The following ULK1 variants were observed in gnomAD, a reference collection of about 807,000 sequenced individuals.
ULK1 encodes serine/threonine-protein kinase ULK1.
In ULK1, 48 loss-of-function variants were observed where a neutral mutation model predicts 117.5. That is an observed-to-expected ratio of 0.41 (90% CI 0.32 to 0.52). The LOEUF is 0.52. Ranked by LOEUF, ULK1 falls within the 20% of genes least tolerant of loss-of-function variation. The pLI, the probability that ULK1 is intolerant of heterozygous loss-of-function variation, is 0.29. For missense variants in ULK1, 1,387 were observed against 1,473.4 expected, an observed-to-expected ratio of 0.94 and a Z score of 0.96; for synonymous variants, 790 against 637.8, an observed-to-expected ratio of 1.24 and a Z score of -3.60.
chr12:131,906,624 G>C (rs1250638995), intron 3 of ULK1: 7 of 547,082 alleles, frequency 1.3e-5, no homozygotes, highest in South Asian at 2.1e-5. Context: ...TCCTGCTAGG[G>C]GGTATGTCCT....
intron 5 of ULK1, 119 bp from the exon 6 acceptor site, chr12:131,908,525 C>A: frequency 7.8e-7 from 1 of 1,282,376 alleles, no homozygotes; most frequent in Middle Eastern, 2.8e-4. Context: ...GGGTTTCCTC[C>A]CGGCCTGCGG....
At position 131,912,073 on chromosome 12, in the gene ULK1, C is replaced by T. The variant is rs773105025; in HGVS notation, c.1080C>T (p.Val360=). The change falls in exon 13 of 28, where the codon GTC becomes GTT. Residue 360 remains valine, a synonymous_variant. Coordinates refer to ENST00000321867, the MANE Select transcript of ULK1 (RefSeq NM_003565.4). ...GTGACACAGACGACTTCGTCATGGT[C>T]CCCGCGCAGTTTCCAGGTCAGGGGG... is the stretch of plus-strand genomic sequence containing the variant. ...SSCDTDDFVM[V]PAQFPGDLVA... is the part of the protein sequence containing the mutation. 1.2e-6 allele frequency: 2 copies of T among 1,612,050 alleles called. No individual in the cohort carries two copies. Among genetic ancestry groups the T allele is most frequent in the South Asian group, 2.2e-5 (2 of 90,964 alleles).
At chr12:131,910,575 C>G in intron 11 of ULK1, 137 bp from the exon 12 acceptor site, 4 of 1,543,438 alleles carry the variant, frequency 2.6e-6, no homozygotes, top group Non-Finnish European at 3.5e-6. Context: ...CAGGAGGGAG[C>G]CTCCCTCCTT....
intron 26 of ULK1, chr12:131,920,851 G>A (rs866438602): frequency 2.7e-5 from 14 of 520,756 alleles, no homozygotes; most frequent in Non-Finnish European, 3.7e-5. Flanking sequence ...CTGACTGAGC[G>A]GCGGGCACTC....
chr12:131,906,849 C>T (rs773804266), intron 3 of ULK1, 43 bp from the exon 4 acceptor site: 37 of 1,613,442 alleles, frequency 2.3e-5, no homozygotes, highest in South Asian at 1.2e-4. Flanking sequence ...CAGTGGGGCC[C>T]GGTGGCACTG....
chr12:131,907,190 T>G (rs1889309969), intron 4 of ULK1, among the ~76,000 whole-genome samples: 1 of 152,176 alleles, frequency 6.6e-6, no homozygotes, highest in Non-Finnish European at 1.5e-5. Context: ...CGGCTAATTT[T>G]TATACTTTTA....
intron 4 of ULK1, 130 bp downstream of exon 4, chr12:131,907,054 T>G: frequency 7.8e-7 from 1 of 1,274,936 alleles, no homozygotes; most frequent in Non-Finnish European, 1.1e-6. Context: ...AGTCTCACTG[T>G]CGCCCAGGCT....
intron 5 of ULK1, among the ~76,000 whole-genome samples, chr12:131,908,335 C>T (rs1165946170): frequency 6.6e-6 from 1 of 152,118 alleles, no homozygotes. Flanking sequence ...GGAAGAGGGG[C>T]AGGAGCGGGA....
chr12:131,907,456 G>T (rs776516955), intron 4 of ULK1, 39 bp from the exon 5 acceptor site: 3 of 1,609,392 alleles, frequency 1.9e-6, no homozygotes, highest in Non-Finnish European at 2.5e-6. Flanking sequence ...GTGGGCCCTG[G>T]GCCCTGCTGC....
rs1193139260 is a variant in ULK1, at chr12:131,915,199, G to A, written c.1490G>A (p.Gly497Asp). The A allele has an allele frequency of 4.4e-6, 7 of 1,600,104 alleles. No individual in the cohort carries two copies. Among genetic ancestry groups the A allele is most frequent in the Non-Finnish European group, 5.1e-6 (6 of 1,174,046 alleles). Residue 497 changes from glycine to aspartate, a missense_variant, in exon 17 of 28, where the codon GGT becomes GAT. Physicochemically the swap from Gly to Asp is moderately conservative, Grantham distance 94. This residue lies in a region of ULK1 where 900 missense variants were observed against 858.9 expected (regional missense o/e 1.05). Coordinates refer to ENST00000321867, the MANE Select transcript of ULK1 (RefSeq NM_003565.4). ...GTCCTGGCCAGGAAGATGTCTCTGG[G>A]TGGAGGCCGGCCCTACACGCCATCT... ...GGVLARKMSLGGGRPYTPSPQ... is the reference protein window; with the variant it reads ...GGVLARKMSLDGGRPYTPSPQ...
Position 131,894,646 on chromosome 12 carries a change from G to T in ULK1, c.-356G>T, listed in dbSNP as rs1351194948. On this transcript the variant is annotated 5_prime_UTR_variant, in exon 1 of 28. Transcript: ENST00000321867. The stretch of plus-strand genomic sequence containing the variant: ...CAGTGCGGCTGCGCGGGCGTCTCAG[G>T]CTCTGAGGCCCGGGCGCCGCGGCTC... 6.6e-6 allele frequency: 1 copy of T among 150,838 alleles called. No homozygotes were observed. Among genetic ancestry groups the T allele is most frequent in the Non-Finnish European group, 1.5e-5 (1 of 67,582 alleles). The allele number at this position is 150,838 out of a possible 1,614,324, so 9.3% of individuals were successfully genotyped here.
In ULK1 at chr12:131,909,832, A is replaced by G. The variant is rs764646120; in HGVS notation, c.724A>G (p.Thr242Ala). The change falls in exon 9 of 28, where the codon ACC becomes GCC. Residue 242 changes from threonine (T) to alanine (A), a missense_variant and splice_region_variant. By Grantham distance (58) the Thr-to-Ala change is moderately conservative. This residue lies in a region of ULK1 where 260 missense variants were observed against 271.6 expected (regional missense o/e 0.96). Coordinates refer to ENST00000321867, the MANE Select transcript of ULK1 (RefSeq NM_003565.4). ...FYEKNKTLVPTIPRETSAPLR... is the reference protein window; with the variant it reads ...FYEKNKTLVPAIPRETSAPLR... ...CGAGAAGAACAAGACGTTGGTCCCCACGTAAGCACCCTCCCGCCTTCCCTT... is the reference window on the plus strand; with the variant it reads ...CGAGAAGAACAAGACGTTGGTCCCCGCGTAAGCACCCTCCCGCCTTCCCTT... 2.5e-6 allele frequency: 4 copies of G among 1,611,274 alleles called. No individual in the cohort carries two copies. The highest frequency in any genetic ancestry group is 3.4e-6 in the Non-Finnish European group (4 of 1,179,364).
Position 131,913,771 on chromosome 12 carries a change from C to T in ULK1, c.1182C>T (p.Gly394=). 1 of 1,572,034 alleles carries T rather than the reference C, an allele frequency of 6.4e-7. No individual in the cohort carries two copies. Among genetic ancestry groups the T allele is most frequent in the Non-Finnish European group, 8.6e-7 (1 of 1,159,056 alleles). ...CSGSSLVASA[G]LESHGRTPSP... Reference sequence around the variant, plus strand: ...GGAGCTCACTGGTGGCCTCTGCGGGCTTGGAGAGCCACGGCCGGACCCCAT... The same window carrying T: ...GGAGCTCACTGGTGGCCTCTGCGGGTTTGGAGAGCCACGGCCGGACCCCAT... The change falls in exon 15 of 28, where the codon GGC becomes GGT. Residue 394 remains glycine (G), a synonymous_variant. Transcript: ENST00000321867.
Position 131,921,290 on chromosome 12 carries a change from C to T in ULK1, c.3098-16C>T, listed in dbSNP as rs1367386478. ...GACTCTGGGCGTCTCCCTCACACTC[C>T]CCTCTCCCTCCACAGGCAAGCTGTG... is the stretch of plus-strand genomic sequence containing the variant. On this transcript the variant is annotated splice_polypyrimidine_tract_variant and intron_variant, in intron 27 of 27. Coordinates refer to ENST00000321867, the MANE Select transcript of ULK1 (RefSeq NM_003565.4). The T allele has an allele frequency of 3.7e-6, 6 of 1,608,000 alleles. No homozygotes were observed. The highest frequency in any genetic ancestry group is 4.2e-6 in the Non-Finnish European group (5 of 1,179,936).
At position 131,906,948 on chromosome 12, in the gene ULK1, C is replaced by G. The variant is rs761275847; in HGVS notation, c.279+24C>G. On this transcript the variant is annotated intron_variant, in intron 4 of 27. Coordinates refer to ENST00000321867, the MANE Select transcript of ULK1 (RefSeq NM_003565.4). Reference sequence around the variant, plus strand: ...AGGTGAGTGCCTTGTGGTGCCAGGACAAGTGCAGGCTGATGGCCATGGCCC... The same window carrying G: ...AGGTGAGTGCCTTGTGGTGCCAGGAGAAGTGCAGGCTGATGGCCATGGCCC... The G allele has an allele frequency of 7.4e-6, 12 of 1,613,910 alleles. No homozygotes were observed. The Admixed American group carries it at 1.3e-4, about 18-fold the overall frequency.
Position 131,915,235 on chromosome 12 carries a change from C to G in ULK1, c.1522+4C>G, listed in dbSNP as rs372005314. 6.2e-7 allele frequency: 1 copy of G among 1,601,560 alleles called. No individual in the cohort carries two copies. The highest frequency in any genetic ancestry group is 2.2e-5 in the East Asian group (1 of 44,656). ...CCCTACACGCCATCTCCTCAAGGTGCGCCTGCAGGCTGGGGCCTGGGAAGG... is the reference window on the plus strand; with the variant it reads ...CCCTACACGCCATCTCCTCAAGGTGGGCCTGCAGGCTGGGGCCTGGGAAGG... On this transcript the variant is annotated splice_donor_region_variant and intron_variant, in intron 17 of 27. Transcript: ENST00000321867.
chr12:131,904,667 T>G (rs1889203825), intron 3 of ULK1, among the ~76,000 whole-genome samples: 1 of 152,170 alleles, frequency 6.6e-6, no homozygotes, highest in South Asian at 2.1e-4. Flanking sequence ...CTGCTTGTCC[T>G]GGCTTTGCTG....
At chr12:131,896,090 G>A (rs1296406293) in intron 3 of ULK1, among the ~76,000 whole-genome samples, 4 of 152,346 alleles carry the variant, frequency 2.6e-5, no homozygotes, top group African/African-American at 9.6e-5. Flanking sequence ...CTCCCCGCCG[G>A]GCGTCAGTCC....
intron 3 of ULK1, among the ~76,000 whole-genome samples, chr12:131,904,175 G>A (rs1388308302): frequency 1.3e-5 from 2 of 152,102 alleles, no homozygotes; most frequent in Non-Finnish European, 2.9e-5. Flanking sequence ...TGAGACAGGT[G>A]TCATTCCGTC....
Sources: gnomAD v4.1 joint callset for allele counts (sites outside exome capture counted in the v4.1 genomes callset) on GRCh38, gnomAD v4.1.1 for gene constraint, gnomAD v4.1.1 regional missense constraint, MANE v1.5 for transcripts, NCBI Gene and HGNC (gene_info 2026-07-23, HGNC 2026-07-21) for gene names.